DPP6: variants seen among roughly 807,000 people sequenced by gnomAD.
DPP6 encodes the protein dipeptidyl peptidase like 6, also known as A-type potassium channel modulatory protein DPP6.
Under a neutral mutation model 122.6 loss-of-function variants are expected in DPP6, and 69 were observed. The ratio of observed to expected loss-of-function variants is 0.56; its 90% CI spans 0.46 to 0.69. The LOEUF is 0.69. Among genes scored for constraint, DPP6 ranks in the 30% least tolerant of loss-of-function variants. The probability of loss-of-function intolerance (pLI) is 0.00; values close to 1 mark genes in which losing one functional copy is unlikely to be tolerated. For missense variants in DPP6, 928 were observed against 1,116.9 expected (o/e 0.83, Z 2.41); for synonymous variants, 418 against 433.1 (o/e 0.97, Z 0.43).
intron 17 of DPP6, among the ~76,000 whole-genome samples, chr7:154,856,753 A>G (rs1802866818): frequency 6.6e-6 from 1 of 152,234 alleles, no homozygotes; most frequent in Non-Finnish European, 1.5e-5. Flanking sequence ...GGAATTTTTT[A>G]GGAAGCATTT....
At chr7:154,757,779 G>T (rs1795230768) in intron 8 of DPP6, among the ~76,000 whole-genome samples, 1 of 152,326 alleles carries the variant, frequency 6.6e-6, no homozygotes, top group South Asian at 2.1e-4. Context: ...TTCAACAAGA[G>T]TTCAGGATAA....
intron 1 of DPP6, among the ~76,000 whole-genome samples, chr7:154,398,763 G>C (rs1263146702): frequency 6.6e-6 from 1 of 152,144 alleles, no homozygotes. Flanking sequence ...TGATTCTCTT[G>C]AGGGGGGAAA....
At chr7:154,341,425 C>T (rs1365654600) in intron 1 of DPP6, among the ~76,000 whole-genome samples, 37 of 151,934 alleles carry the variant, frequency 2.4e-4, no homozygotes, top group Non-Finnish European at 8.8e-5. Context: ...AATCTACAAT[C>T]GCATGTGCCT....
chr7:154,276,615 G>A (rs1804154685), intron 1 of DPP6, among the ~76,000 whole-genome samples: 1 of 152,214 alleles, frequency 6.6e-6, no homozygotes, highest in African/African-American at 2.4e-5. Context: ...TAAGTGAGGA[G>A]CAAGACAGAA....
intron 21 of DPP6, among the ~76,000 whole-genome samples, chr7:154,882,888 C>T (rs945244299): frequency 6.0e-5 from 9 of 149,384 alleles, no homozygotes; most frequent in Admixed American, 2.0e-4. Context: ...CACACCGGAA[C>T]GATCGTGCAG....
intron 1 of DPP6, among the ~76,000 whole-genome samples, chr7:154,301,615 A>G (rs1412257782): frequency 1.3e-5 from 2 of 152,140 alleles, no homozygotes; most frequent in Admixed American, 6.5e-5. Flanking sequence ...TTGATCTCCA[A>G]TGAAAGATAG....
chr7:154,333,280 G>A (rs1210465001), intron 1 of DPP6, among the ~76,000 whole-genome samples: 3 of 151,834 alleles, frequency 2.0e-5, no homozygotes, highest in African/African-American at 7.3e-5. Context: ...AGTGTTATTG[G>A]ACTTTGATGT....
upstream of DPP6, among the ~76,000 whole-genome samples, chr7:154,051,323 C>G (rs1358864525): frequency 2.3e-5 from 3 of 129,436 alleles, no homozygotes. Context: ...AGGTCCTTCC[C>G]GGCCGGGAAG....
intron 1 of DPP6, among the ~76,000 whole-genome samples, chr7:154,224,089 A>T (rs1389975710): frequency 6.8e-6 from 1 of 147,762 alleles, no homozygotes; most frequent in African/African-American, 2.6e-5. Context: ...CCAGGAGGGG[A>T]CACACAGCCT....
intron 1 of DPP6, among the ~76,000 whole-genome samples, chr7:154,411,651 A>G (rs1314350936): frequency 6.6e-6 from 1 of 152,224 alleles, no homozygotes; most frequent in African/African-American, 2.4e-5. Context: ...GACAGAGTCA[A>G]CTGTATACAT....
chr7:154,508,483 T>C (rs190627413), intron 3 of DPP6, among the ~76,000 whole-genome samples: 1 of 152,304 alleles, frequency 6.6e-6, no homozygotes, highest in East Asian at 1.9e-4. Context: ...CAGGAAGTTT[T>C]CAGGGGCTGG....
intron 5 of DPP6, chr7:154,587,801 A>G (rs896914812): frequency 1.9e-6 from 3 of 1,612,410 alleles, no homozygotes; most frequent in South Asian, 1.1e-5. Context: ...CTGCGTGACT[A>G]TGTCTCGGCA....
intron 1 of DPP6, among the ~76,000 whole-genome samples, chr7:154,256,244 A>G (rs562153871): frequency 7.4e-4 from 113 of 152,280 alleles, no homozygotes; most frequent in African/African-American, 2.7e-3. Context: ...TAGTGGCCGT[A>G]ATTTATCTTG....
intron 1 of DPP6, among the ~76,000 whole-genome samples, chr7:153,896,760 C>T (rs1292164715): frequency 6.6e-6 from 1 of 152,196 alleles, no homozygotes; most frequent in Admixed American, 6.5e-5. Context: ...CTGCCGTGGG[C>T]CAAGATTGTG....
intron 8 of DPP6, 145 bp from the exon 9 acceptor site, chr7:154,769,272 C>T: frequency 2.0e-6 from 2 of 986,086 alleles, no homozygotes; most frequent in Non-Finnish European, 3.0e-6. Context: ...GTGCAGAACA[C>T]AGTGAAGGTT....
chr7:154,142,519 C>CA (rs1795898228), intron 1 of DPP6, among the ~76,000 whole-genome samples: 1 of 152,050 alleles, frequency 6.6e-6, no homozygotes, highest in African/African-American at 2.4e-5. Context: ...TACAAAATAT[C>CA]AAACCATTTA....
chr7:153,933,065 G>A (rs759389897), intron 1 of DPP6, among the ~76,000 whole-genome samples: 113 of 152,106 alleles, frequency 7.4e-4, no homozygotes, highest in Non-Finnish European at 1.4e-3. Flanking sequence ...ACCTTCTGCC[G>A]TGATTTTGAG....
At chr7:153,947,733 G>A (rs1010081098) in intron 1 of DPP6, among the ~76,000 whole-genome samples, 21 of 152,138 alleles carry the variant, frequency 1.4e-4, no homozygotes, top group Admixed American at 2.6e-4. Context: ...GGGAACCGCA[G>A]CAAGGTCTGT....
At position 154,238,397 on chromosome 7, in the gene DPP6, A is replaced by T. The variant is rs964195691; in HGVS notation, c.243+185334A>T. ...CTTAACAATTCAGAAGGGGTGTAAA[A>T]TTTTTCTCCTTAAAAATGAAATCGA... On this transcript the variant is annotated intron_variant, in intron 1 of 25. Coordinates refer to ENST00000377770, the MANE Select transcript of DPP6 (RefSeq NM_130797.4). 4.6e-5 allele frequency among the ~76,000 whole-genome samples: 7 copies of T among 152,182 alleles called. 1 individual carries two copies. Among genetic ancestry groups the T allele is most frequent in the Admixed American group, 4.6e-4 (7 of 15,280 alleles).
Sources: allele counts gnomAD v4.1 joint callset (sites outside exome capture counted in the v4.1 genomes callset), GRCh38; gene constraint gnomAD v4.1.1; transcripts MANE v1.5; gene names NCBI Gene and HGNC (gene_info 2026-07-23, HGNC 2026-07-21).